KDM6A: variants seen among roughly 807,000 people sequenced by gnomAD.
The protein encoded by KDM6A is lysine demethylase 6A.
KDM6A carries 11 observed loss-of-function variants against 117.6 expected under a neutral mutation model. That is an observed-to-expected ratio of 0.09 (90% CI 0.06 to 0.15). KDM6A has a LOEUF of 0.15. KDM6A is among the 10% of genes least tolerant of loss of function. KDM6A has a pLI of 1.00. For synonymous variants in KDM6A, 384 were observed against 396.1 expected (o/e 0.97, Z 0.36); for missense variants, 799 against 1,077.3 (o/e 0.74, Z 3.62).
chrX:44,882,170 A>C (rs1425915861), intron 2 of KDM6A, among the ~76,000 whole-genome samples: 1 of 112,144 alleles, frequency 8.9e-6, no homozygotes, highest in African/African-American at 3.2e-5. Flanking sequence ...TTACGTGTTC[A>C]TTAGATTTTT....
At position 44,923,528 on chromosome X, in the gene KDM6A, ATCT is replaced by A. The variant is rs761176396; in HGVS notation, c.226-37752_226-37750del. On this transcript the variant is annotated intron_variant, in intron 2 of 29. Transcript: ENST00000611820. Reference sequence around the variant, plus strand: ...TAATTTTTTTCTTTTGCAGTGTCTAATCTTCTCTGCTTTTTTTTTTTTTTTTTT... The same window carrying A: ...TAATTTTTTTCTTTTGCAGTGTCTAATCTCTGCTTTTTTTTTTTTTTTTTT... Among the ~76,000 whole-genome samples, 3 of 68,450 alleles carry A rather than the reference ATCT, an allele frequency of 4.4e-5. No individual in the cohort carries two copies. In the South Asian group the frequency reaches 2.1e-3, roughly 48 times the overall value. The allele number at this position is 68,450 out of a possible 115,157, so 59.4% of individuals were successfully genotyped here.
At chrX:45,089,982 AAT>A (rs758912631) in intron 26 of KDM6A, 52 bp downstream of exon 26, 19 of 990,685 alleles carry the variant, frequency 1.9e-5, no homozygotes, top group Non-Finnish European at 2.7e-5. Flanking sequence ...GATTATATCC[AAT>A]AGGACTGTTC....
chrX:44,987,786 C>T (rs1230763543), intron 4 of KDM6A, among the ~76,000 whole-genome samples: 2 of 111,829 alleles, frequency 1.8e-5, no homozygotes, highest in Admixed American at 9.5e-5. Flanking sequence ...AGCTGTTAGT[C>T]TGATGGGCTT....
chrX:44,911,135 C>T (rs2035095473), intron 2 of KDM6A, among the ~76,000 whole-genome samples: 1 of 106,648 alleles, frequency 9.4e-6, no homozygotes, highest in Non-Finnish European at 2.0e-5. Flanking sequence ...CTGGCCCCCA[C>T]CTCCCTCCCG....
At chrX:45,003,803 CTCTG>C (rs2041281083) in intron 4 of KDM6A, among the ~76,000 whole-genome samples, 1 of 107,145 alleles carries the variant, frequency 9.3e-6, no homozygotes, top group African/African-American at 3.4e-5. Context: ...CTCTTTGTCT[CTCTG>C]TCTCTTCCTC....
intron 5 of KDM6A, among the ~76,000 whole-genome samples, chrX:45,014,101 A>C (rs1210219647): frequency 9.0e-6 from 1 of 111,590 alleles, no homozygotes; most frequent in Non-Finnish European, 1.9e-5. Context: ...TACATTTATA[A>C]TTTAAGTAAA....
At chrX:45,097,386 G>C (rs1315281018) in intron 27 of KDM6A, among the ~76,000 whole-genome samples, 1 of 111,263 alleles carries the variant, frequency 9.0e-6, no homozygotes, top group African/African-American at 3.3e-5. Context: ...ATTTAGAAAG[G>C]TAATTGAGTA....
At chrX:45,092,952 ATAAACT>A (rs1194847447) in intron 27 of KDM6A, among the ~76,000 whole-genome samples, 2 of 111,425 alleles carry the variant, frequency 1.8e-5, no homozygotes, top group African/African-American at 3.3e-5. Flanking sequence ...AGTGATGGTG[ATAAACT>A]TAAGCAAGCA....
At chrX:44,984,625 C>T (rs1178690724) in intron 4 of KDM6A, among the ~76,000 whole-genome samples, 1 of 111,821 alleles carries the variant, frequency 8.9e-6, no homozygotes, top group Non-Finnish European at 1.9e-5. Flanking sequence ...CAGCTTTCTA[C>T]ATATGGCTAG....
intron 2 of KDM6A, among the ~76,000 whole-genome samples, chrX:44,958,626 T>TTTTTTG (rs2038492458): frequency 1.0e-5 from 1 of 98,517 alleles, no homozygotes; most frequent in Non-Finnish European, 2.1e-5. Flanking sequence ...TTTTTTTTTT[T>TTTTTTG]TTTGCTGTGA....
At chrX:45,103,825 C>T (rs988892232) in intron 27 of KDM6A, among the ~76,000 whole-genome samples, 4 of 111,367 alleles carry the variant, frequency 3.6e-5, no homozygotes, top group South Asian at 7.5e-4. Context: ...AGTCTTTCAT[C>T]GAAACAACTA....
intron 6 of KDM6A, among the ~76,000 whole-genome samples, chrX:45,023,592 A>G (rs909238929): frequency 9.0e-6 from 1 of 111,286 alleles, no homozygotes; most frequent in Non-Finnish European, 1.9e-5. Context: ...AATTATAGCC[A>G]CCCACATGAT....
chrX:44,878,922 G>T (rs866710015), intron 2 of KDM6A, among the ~76,000 whole-genome samples: 1 of 110,480 alleles, frequency 9.1e-6, no homozygotes, highest in Non-Finnish European at 1.9e-5. Context: ...GGGTTTCACC[G>T]TGTTGGCCAG....
intron 3 of KDM6A, among the ~76,000 whole-genome samples, chrX:44,968,830 C>T (rs1419691181): frequency 9.1e-6 from 1 of 110,016 alleles, no homozygotes; most frequent in Non-Finnish European, 1.9e-5. Context: ...ATTAGCAGGG[C>T]GTGGTGGCGC....
intron 8 of KDM6A, among the ~76,000 whole-genome samples, chrX:45,045,319 G>A (rs892704789): frequency 9.0e-6 from 1 of 111,025 alleles, no homozygotes; most frequent in Non-Finnish European, 1.9e-5. Flanking sequence ...CAGGCGTGGT[G>A]GCTCATGCCT....
intron 11 of KDM6A, 43 bp from the exon 12 acceptor site, chrX:45,059,204 G>T (rs375412449): frequency 8.4e-7 from 1 of 1,186,856 alleles, no homozygotes; most frequent in African/African-American, 1.8e-5. Context: ...AAACCAAGCA[G>T]TTCTTCTGAG....
intron 2 of KDM6A, among the ~76,000 whole-genome samples, chrX:44,891,294 T>A (rs778329057): frequency 1.8e-4 from 20 of 111,735 alleles, no homozygotes; most frequent in African/African-American, 6.2e-4. Context: ...CATAGTTTTT[T>A]ATTCATGTTT....
At chrX:44,917,025 C>CTT (rs375157616) in intron 2 of KDM6A, among the ~76,000 whole-genome samples, 20 of 96,649 alleles carry the variant, frequency 2.1e-4, no homozygotes, top group African/African-American at 6.6e-4. Flanking sequence ...TATATACTCA[C>CTT]TTTTTTTTTT....
intron 27 of KDM6A, among the ~76,000 whole-genome samples, chrX:45,093,117 C>G (rs2045956067): frequency 9.0e-6 from 1 of 110,672 alleles, no homozygotes; most frequent in Admixed American, 9.7e-5. Context: ...TGCAGTGGCT[C>G]ATCCCTATAA....
Sources: allele counts gnomAD v4.1 joint callset (sites outside exome capture counted in the v4.1 genomes callset), GRCh38; gene constraint gnomAD v4.1.1; transcripts MANE v1.5; gene names NCBI Gene and HGNC (gene_info 2026-07-23, HGNC 2026-07-21).